Variants in PLA2R1 observed in about 807,000 individuals in gnomAD.
PLA2R1 encodes phospholipase A2 receptor 1.
PLA2R1 carries 158 observed loss-of-function variants against 195.9 expected under a neutral mutation model. The observed-to-expected ratio is 0.81, with a 90% confidence interval of 0.71 to 0.92. The LOEUF (loss-of-function observed/expected upper bound fraction) is 0.92. PLA2R1 is among the 40% of genes least tolerant of loss of function. The pLI, the probability that PLA2R1 is intolerant of heterozygous loss-of-function variation, is 0.00. For missense variants in PLA2R1, 1,626 were observed against 1,764.6 expected, an observed-to-expected ratio of 0.92 and a Z score of 1.41; for synonymous variants, 586 against 598.2, an observed-to-expected ratio of 0.98 and a Z score of 0.30.
Position 160,041,831 on chromosome 2 carries a change from G to A in PLA2R1, c.667+194C>T, listed in dbSNP as rs570832632. Among the ~76,000 whole-genome samples, 13 of 152,200 alleles carry A rather than the reference G, an allele frequency of 8.5e-5. 1 individual carries two copies. In the South Asian group the frequency reaches 1.5e-3, roughly 17 times the overall value. On this transcript the variant is annotated intron_variant, in intron 3 of 29. Coordinates refer to ENST00000283243, the MANE Select transcript of PLA2R1 (RefSeq NM_007366.5). ...GCTAATTAACATCTCTTGAATGTAC[G>A]GCAAAAAGAATATATATTAGAATTG... is the stretch of plus-strand genomic sequence containing the variant.
rs772104361 is a variant in PLA2R1, at chr2:159,941,926, G to A, written c.4244C>T (p.Thr1415Ile). Residue 1415 changes from threonine (T) to isoleucine (I), a missense_variant, in exon 30 of 30, where the codon ACA (threonine) becomes ATA (isoleucine). Coordinates refer to ENST00000283243, the MANE Select transcript of PLA2R1 (RefSeq NM_007366.5). The part of the protein sequence containing the change: ...LTLIVIVAIC[T>I]LSFCIYKHNG... Reference sequence around the variant, plus strand: ...ATGCTTGTATATGCAGAAGGAAAGTGTGCAAATGGCCACAATGACTATCAG... The same window carrying A: ...ATGCTTGTATATGCAGAAGGAAAGTATGCAAATGGCCACAATGACTATCAG... 29 of 1,613,764 alleles carry A rather than the reference G, an allele frequency of 1.8e-5. No individual in the cohort carries two copies. The highest frequency in any genetic ancestry group is 2.4e-5 in the Non-Finnish European group (28 of 1,179,834).
At chr2:160,020,039 G>T in intron 8 of PLA2R1, 67 bp downstream of exon 8, 1 of 1,239,152 alleles carries the variant, frequency 8.1e-7, no homozygotes, top group Non-Finnish European at 1.2e-6. Context: ...ACAGCCCAAA[G>T]CTCCAACACA....
chr2:159,989,722 T>C (rs1690627502), intron 11 of PLA2R1, among the ~76,000 whole-genome samples: 1 of 152,158 alleles, frequency 6.6e-6, no homozygotes, highest in African/African-American at 2.4e-5. Context: ...ACCCCTGCAA[T>C]GTTGCTATTA....
intron 10 of PLA2R1, among the ~76,000 whole-genome samples, chr2:160,009,854 T>C (rs1692239566): frequency 6.6e-6 from 1 of 152,132 alleles, no homozygotes; most frequent in Admixed American, 6.5e-5. Flanking sequence ...ACACCTATAA[T>C]CCCAGCACTT....
chr2:159,962,812 C>T (rs1688536625), intron 20 of PLA2R1, among the ~76,000 whole-genome samples: 2 of 152,058 alleles, frequency 1.3e-5, no homozygotes, highest in African/African-American at 2.4e-5. Context: ...CATGTTCTCA[C>T]TCATAAGTGG....
intron 3 of PLA2R1, among the ~76,000 whole-genome samples, chr2:160,037,725 C>A (rs1437943948): frequency 6.6e-6 from 1 of 152,176 alleles, no homozygotes; most frequent in East Asian, 1.9e-4. Flanking sequence ...GTGAATATCT[C>A]ATTTCCCCAC....
At chr2:159,996,194 A>G (rs1341917330) in intron 11 of PLA2R1, among the ~76,000 whole-genome samples, 1 of 152,060 alleles carries the variant, frequency 6.6e-6, no homozygotes, top group Non-Finnish European at 1.5e-5. Context: ...ACTTCTTTGA[A>G]TATTTCGTGC....
At chr2:160,052,106 G>A (rs1441247807) in intron 1 of PLA2R1, among the ~76,000 whole-genome samples, 13 of 152,196 alleles carry the variant, frequency 8.5e-5, no homozygotes, top group African/African-American at 2.2e-4. Flanking sequence ...GCCGTGGACC[G>A]CTCTTGCTAA....
chr2:159,952,218 T>C (rs1385928531), intron 23 of PLA2R1, among the ~76,000 whole-genome samples: 3 of 152,180 alleles, frequency 2.0e-5, no homozygotes, highest in Admixed American at 1.3e-4. Context: ...AAGGCAAGGT[T>C]TTCCCACACG....
At chr2:160,018,127 TC>T (rs1476965837) in intron 8 of PLA2R1, among the ~76,000 whole-genome samples, 1 of 152,128 alleles carries the variant, frequency 6.6e-6, no homozygotes, top group Non-Finnish European at 1.5e-5. Context: ...CTTCTGAGCT[TC>T]CAGAAAAGGG....
At chr2:160,039,809 T>C (rs1694408095) in intron 3 of PLA2R1, among the ~76,000 whole-genome samples, 1 of 151,970 alleles carries the variant, frequency 6.6e-6, no homozygotes, top group Non-Finnish European at 1.5e-5. Context: ...TTCTGAGCTG[T>C]ACAAGGCTGA....
chr2:159,956,007 A>G (rs1206757971), intron 21 of PLA2R1, among the ~76,000 whole-genome samples, 179 bp from the exon 22 acceptor site: 1 of 152,188 alleles, frequency 6.6e-6, no homozygotes, highest in Non-Finnish European at 1.5e-5. Context: ...CTTTTGTTTT[A>G]GTTTAAATTG....
At position 159,944,680 on chromosome 2, in the gene PLA2R1, A is replaced by C. The variant is rs551222463; in HGVS notation, c.4144+226T>G. Among the ~76,000 whole-genome samples, 20 of 152,354 alleles carry C rather than the reference A, an allele frequency of 1.3e-4. 2 individuals carry two copies. In the South Asian group the frequency reaches 4.1e-3, roughly 32 times the overall value. On this transcript the variant is annotated intron_variant, in intron 28 of 29. Coordinates refer to ENST00000283243, the MANE Select transcript of PLA2R1 (RefSeq NM_007366.5). ...GGTGATCAACCTGGGTGACACAAGAAAAATCATAGTCTTTGAGTTGACTTA... is the reference window on the plus strand; with the variant it reads ...GGTGATCAACCTGGGTGACACAAGACAAATCATAGTCTTTGAGTTGACTTA...
chr2:160,013,721 CTG>C (rs71000325), intron 9 of PLA2R1, among the ~76,000 whole-genome samples: 261 of 116,652 alleles, frequency 2.2e-3, no homozygotes, highest in Middle Eastern at 0.017. Flanking sequence ...CTCTCTCTCT[CTG>C]TGTGTGTGTG....
Position 159,966,703 on chromosome 2 carries a change from A to G in PLA2R1, c.2904+836T>C, listed in dbSNP as rs140237324. On this transcript the variant is annotated intron_variant, in intron 20 of 29. Coordinates refer to ENST00000283243, the MANE Select transcript of PLA2R1 (RefSeq NM_007366.5). ...GCCAATATAACTGAACACTTAGATT[A>G]AAAATTGGCTGTCCACAATTGAAGA... Among the ~76,000 whole-genome samples the G allele has an allele frequency of 1.5e-3, 233 of 152,362 alleles. 1 individual carries two copies. In the Middle Eastern group the frequency reaches 0.024, roughly 16 times the overall value.
intron 17 of PLA2R1, among the ~76,000 whole-genome samples, chr2:159,970,950 C>CG: frequency 2.0e-4 from 1 of 4,986 alleles, no homozygotes; most frequent in African/African-American, 3.4e-4. Flanking sequence ...TGGGGCCTGT[C>CG]GGGGGGTGGG....
chr2:159,978,624 G>A (rs1485826372), intron 14 of PLA2R1, among the ~76,000 whole-genome samples: 1 of 151,996 alleles, frequency 6.6e-6, no homozygotes, highest in East Asian at 1.9e-4. Flanking sequence ...TTTCTTTTTC[G>A]AGTGCTACAT....
chr2:159,925,760 G>C, the PLA2R1 span, among the ~76,000 whole-genome samples: 1 of 152,134 alleles, frequency 6.6e-6, no homozygotes, highest in East Asian at 1.9e-4. Flanking sequence ...CTCATTATAA[G>C]ATGAGAATAA....
intron 13 of PLA2R1, among the ~76,000 whole-genome samples, chr2:159,982,516 C>A (rs934321963): frequency 6.6e-6 from 1 of 152,162 alleles, no homozygotes; most frequent in African/African-American, 2.4e-5. Flanking sequence ...GAACCCTTTA[C>A]GATGCTAATG....
Sources: gnomAD v4.1 joint callset for allele counts (sites outside exome capture counted in the v4.1 genomes callset) on GRCh38, gnomAD v4.1.1 for gene constraint, MANE v1.5 for transcripts, NCBI Gene and HGNC (gene_info 2026-07-23, HGNC 2026-07-21) for gene names.